NTRK2: variants seen among roughly 807,000 people sequenced by gnomAD.
NTRK2 encodes neurotrophic receptor tyrosine kinase 2.
Under a neutral mutation model 94.5 loss-of-function variants are expected in NTRK2, and 13 were observed. The observed-to-expected ratio is 0.14, with a 90% CI of 0.09 to 0.22. The LOEUF is 0.22. Among genes scored for constraint, NTRK2 ranks in the 10% least tolerant of loss-of-function variants. The probability of loss-of-function intolerance (pLI) is 1.00; values close to 1 mark genes in which losing one functional copy is unlikely to be tolerated. For synonymous variants in NTRK2, 372 were observed against 407.4 expected (o/e 0.91, Z 1.05); for missense variants, 639 against 1,071.2 (o/e 0.60, Z 5.63).
intron 16 of NTRK2, among the ~76,000 whole-genome samples, chr9:84,950,806 G>T (rs1657630051): frequency 6.6e-6 from 1 of 152,128 alleles, no homozygotes; most frequent in Non-Finnish European, 1.5e-5. Flanking sequence ...AAGAAATGTT[G>T]TCCTCACAAT....
At chr9:84,876,077 T>C (rs2076054817) in intron 14 of NTRK2, 1 of 1,032,418 alleles carries the variant, frequency 9.7e-7, no homozygotes, top group Non-Finnish European at 1.2e-6. Flanking sequence ...TTTCTTATGC[T>C]GTTACTATTA....
intron 12 of NTRK2, among the ~76,000 whole-genome samples, chr9:84,820,460 G>A (rs1037634000): frequency 3.3e-5 from 5 of 152,076 alleles, no homozygotes; most frequent in Admixed American, 1.3e-4. Context: ...GTGAGCCACC[G>A]TGCCCAGCCA....
intron 12 of NTRK2, among the ~76,000 whole-genome samples, chr9:84,853,719 C>A (rs1329871179): frequency 6.6e-6 from 1 of 152,256 alleles, no homozygotes; most frequent in South Asian, 2.1e-4. Context: ...CTGCCCGTGT[C>A]CTCTCAGCTC....
At chr9:84,820,422 G>A (rs1433518201) in intron 12 of NTRK2, among the ~76,000 whole-genome samples, 4 of 151,916 alleles carry the variant, frequency 2.6e-5, no homozygotes, top group African/African-American at 7.3e-5. Context: ...TGCCTGCCTC[G>A]GCCTCCCAAA....
intron 17 of NTRK2, among the ~76,000 whole-genome samples, chr9:84,970,943 T>C (rs1455489530): frequency 6.6e-6 from 1 of 152,228 alleles, no homozygotes; most frequent in Non-Finnish European, 1.5e-5. Context: ...TCTTGGAAAT[T>C]ATGTCAGTCT....
chr9:84,788,089 T>C (rs1028934236), intron 12 of NTRK2, among the ~76,000 whole-genome samples: 4 of 152,242 alleles, frequency 2.6e-5, no homozygotes, highest in African/African-American at 7.2e-5. Flanking sequence ...ATGTATCAGG[T>C]ATTACTATGG....
intron 2 of NTRK2, among the ~76,000 whole-genome samples, chr9:84,683,133 G>A (rs1347823921): frequency 6.6e-6 from 1 of 152,016 alleles, no homozygotes; most frequent in Non-Finnish European, 1.5e-5. Context: ...TGAATTGCAG[G>A]AAAATTGCAA....
chr9:84,876,965 A>G (rs201592597), intron 14 of NTRK2: 11 of 1,060,954 alleles, frequency 1.0e-5, no homozygotes, highest in Non-Finnish European at 1.3e-5. Flanking sequence ...GATTTTAAAG[A>G]GGAAAACACT....
intron 16 of NTRK2, among the ~76,000 whole-genome samples, chr9:84,951,106 T>C (rs1317803179): frequency 6.6e-6 from 1 of 152,250 alleles, no homozygotes; most frequent in Admixed American, 6.5e-5. Context: ...GGATCATTTT[T>C]ACCCTCTTTA....
intron 2 of NTRK2, among the ~76,000 whole-genome samples, chr9:84,680,050 C>A (rs1015328504): frequency 2.0e-5 from 3 of 152,140 alleles, no homozygotes; most frequent in Non-Finnish European, 2.9e-5. Flanking sequence ...AGAGCAGAAG[C>A]TTTCATGGAC....
chr9:84,856,534 G>A (rs1184753652), intron 12 of NTRK2, among the ~76,000 whole-genome samples: 2 of 152,110 alleles, frequency 1.3e-5, no homozygotes, highest in African/African-American at 4.8e-5. Flanking sequence ...AGATGTGACA[G>A]TTCATTGGCT....
chr9:84,747,123 C>T lies in NTRK2; in HGVS notation c.1296+2050C>T, dbSNP rs146810529. Among the ~76,000 whole-genome samples the T allele has an allele frequency of 6.8e-3, 1,031 of 151,326 alleles. 16 individuals carry two copies. Among genetic ancestry groups the T allele is most frequent in the African/African-American group, 0.024 (972 of 41,234 alleles). On this transcript the variant is annotated intron_variant, in intron 11 of 18. Transcript: ENST00000277120. Reference sequence around the variant, plus strand: ...GTGATATATACTTGAACCAAGGCCACAAGAGTGGAAATGGGAGGTGCGTAA... The same window carrying T: ...GTGATATATACTTGAACCAAGGCCATAAGAGTGGAAATGGGAGGTGCGTAA...
At chr9:84,808,922 T>C (rs1373584267) in intron 12 of NTRK2, among the ~76,000 whole-genome samples, 2 of 152,178 alleles carry the variant, frequency 1.3e-5, no homozygotes, top group Non-Finnish European at 2.9e-5. Flanking sequence ...TGGAGGAAGA[T>C]GGAGAGTCTA....
chr9:84,787,189 G>A lies in NTRK2; in HGVS notation c.1396+35104G>A, dbSNP rs575987392. Among the ~76,000 whole-genome samples, 6 of 151,994 alleles carry A rather than the reference G, an allele frequency of 3.9e-5. No individual in the cohort carries two copies. In the East Asian group the frequency reaches 1.2e-3, roughly 30 times the overall value. ...GGCAGGCACCTATAATCCCAGCTAC[G>A]TGGGAGGCTGAGGCAGGAGAATCGC... On this transcript the variant is annotated intron_variant, in intron 12 of 18. Coordinates refer to ENST00000277120, the MANE Select transcript of NTRK2 (RefSeq NM_006180.6).
At chr9:84,951,357 A>G (rs1049692951) in intron 16 of NTRK2, among the ~76,000 whole-genome samples, 1 of 152,214 alleles carries the variant, frequency 6.6e-6, no homozygotes, top group Non-Finnish European at 1.5e-5. Flanking sequence ...AAAGGAAGAA[A>G]AAAGCTGAAT....
At chr9:84,884,431 A>C (rs1342984235) in intron 14 of NTRK2, among the ~76,000 whole-genome samples, 1 of 152,232 alleles carries the variant, frequency 6.6e-6, no homozygotes, top group Non-Finnish European at 1.5e-5. Context: ...TGAAATTTGC[A>C]ACCTAGAAGA....
rs574031875 is a variant in NTRK2, at chr9:84,843,078, G to A, written c.1397-17962G>A. 3.3e-5 allele frequency among the ~76,000 whole-genome samples: 5 copies of A among 152,290 alleles called. No individual in the cohort carries two copies. The South Asian group carries it at 1.0e-3, about 32-fold the overall frequency. On this transcript the variant is annotated intron_variant, in intron 12 of 18. Transcript: ENST00000277120. ...CTCAGTTCCCTCCTGTAGGAATGGG[G>A]GGTCATAGCATCTACTGGATGGTAT...
At chr9:84,843,735 G>A (rs1158519086) in intron 12 of NTRK2, among the ~76,000 whole-genome samples, 1 of 152,154 alleles carries the variant, frequency 6.6e-6, no homozygotes, top group Non-Finnish European at 1.5e-5. Context: ...GTAGAATAAA[G>A]AGTTGAAAAA....
rs186027923 is a variant in NTRK2, at chr9:84,732,806, G to A, written c.1159+4847G>A. ...GAACCTGGGAATGTTCAATGCTGAT[G>A]TGCCGACTTTCTTTCCTGGATACCT... On this transcript the variant is annotated intron_variant, in intron 9 of 18. Transcript: ENST00000277120. Among the ~76,000 whole-genome samples the A allele has an allele frequency of 1.1e-4, 16 of 152,314 alleles. No individual in the cohort carries two copies. In the East Asian group the frequency reaches 3.1e-3, roughly 29 times the overall value.
Sources: gnomAD v4.1 joint callset for allele counts (sites outside exome capture counted in the v4.1 genomes callset) on GRCh38, gnomAD v4.1.1 for gene constraint, MANE v1.5 for transcripts, NCBI Gene and HGNC (gene_info 2026-07-23, HGNC 2026-07-21) for gene names.